The following ABLIM1 variants were observed in gnomAD, a reference collection of about 807,000 sequenced individuals.
ABLIM1 encodes the protein actin binding LIM protein 1, also known as actin-binding LIM protein 1.
ABLIM1 carries 40 observed loss-of-function variants against 107.0 expected under a neutral mutation model. That is an observed-to-expected ratio of 0.37 (90% CI 0.29 to 0.49). ABLIM1 has a LOEUF of 0.49. Among genes scored for constraint, ABLIM1 ranks in the 20% least tolerant of loss-of-function variants. The pLI is 0.97. For missense variants in ABLIM1, 857 were observed against 1,008.5 expected (o/e 0.85, Z 2.04); for synonymous variants, 357 against 357.3 (o/e 1.00, Z 0.01).
chr10:114,690,228 A>G lies in ABLIM1; in HGVS notation c.-213+77833T>C, dbSNP rs1316603818. 6.8e-6 allele frequency: 10 copies of G among 1,468,880 alleles called. No individual in the cohort carries two copies. The Middle Eastern group carries it at 5.2e-4, about 77-fold the overall frequency. The allele number at this position is 1,468,880 out of a possible 1,614,324, so 91.0% of individuals were successfully genotyped here. On this transcript the variant is annotated intron_variant, in intron 1 of 15. Transcript: ENST00000651092. ...CCCAAAGCGCCCCGTGGCCTCCACA[A>G]TATTTATGCCTTCTTTCATCTTGCC...
intron 1 of ABLIM1, among the ~76,000 whole-genome samples, chr10:114,692,614 A>C (rs917731627): frequency 6.6e-6 from 1 of 152,224 alleles, no homozygotes; most frequent in Non-Finnish European, 1.5e-5. Flanking sequence ...AAAACGGGTC[A>C]GGAGTGGTGG....
At chr10:114,794,082 T>C in the ABLIM1 span, among the ~76,000 whole-genome samples, 1 of 152,188 alleles carries the variant, frequency 6.6e-6, no homozygotes, top group Non-Finnish European at 1.5e-5. Flanking sequence ...CCATCTCCTC[T>C]TGGACTCTGC....
At chr10:114,485,009 T>G (rs1485975441) in intron 8 of ABLIM1, among the ~76,000 whole-genome samples, 3 of 152,266 alleles carry the variant, frequency 2.0e-5, no homozygotes, top group Non-Finnish European at 2.9e-5. Flanking sequence ...ACCTGGGTGC[T>G]GAGCAGATAC....
At chr10:114,647,490 C>A (rs2079061533) in intron 1 of ABLIM1, among the ~76,000 whole-genome samples, 1 of 152,214 alleles carries the variant, frequency 6.6e-6, no homozygotes, top group African/African-American at 2.4e-5. Flanking sequence ...CCCACAAGGA[C>A]AGCAAATATT....
chr10:114,582,536 A>C (rs575542103), intron 2 of ABLIM1, among the ~76,000 whole-genome samples: 1 of 152,224 alleles, frequency 6.6e-6, no homozygotes, highest in East Asian at 1.9e-4. Flanking sequence ...GAACCAAAAA[A>C]GAGCCTGAAT....
At chr10:114,566,345 T>C (rs915980218) in intron 4 of ABLIM1, among the ~76,000 whole-genome samples, 13 of 151,996 alleles carry the variant, frequency 8.6e-5, no homozygotes, top group African/African-American at 2.9e-4. Flanking sequence ...CTGAAATACA[T>C]AGGAGCCCTG....
intron 7 of ABLIM1, among the ~76,000 whole-genome samples, chr10:114,488,995 A>T (rs1164971285): frequency 6.6e-6 from 1 of 152,126 alleles, no homozygotes; most frequent in African/African-American, 2.4e-5. Context: ...GAGTTTCCAC[A>T]TTTCATGACT....
chr10:114,563,730 T>C (rs962951153), intron 4 of ABLIM1, among the ~76,000 whole-genome samples: 3 of 149,784 alleles, frequency 2.0e-5, no homozygotes, highest in Non-Finnish European at 4.4e-5. Flanking sequence ...CCTGTAGTCC[T>C]GGCTACTTGG....
intron 2 of ABLIM1, among the ~76,000 whole-genome samples, chr10:114,583,202 A>G (rs1362805652): frequency 7.3e-5 from 11 of 151,512 alleles, no homozygotes; most frequent in Admixed American, 6.6e-4. Context: ...GCCAAAAAAC[A>G]TGTCTTCTTA....
intron 1 of ABLIM1, among the ~76,000 whole-genome samples, chr10:114,702,620 G>C (rs1168846430): frequency 6.8e-6 from 1 of 147,932 alleles, no homozygotes; most frequent in African/African-American, 2.5e-5. Context: ...TCCGCCTCCC[G>C]GGTTCACGCC....
At chr10:114,632,054 G>A in intron 1 of ABLIM1, 2 of 1,224,742 alleles carry the variant, frequency 1.6e-6, no homozygotes, top group South Asian at 2.9e-5. Flanking sequence ...TGTGAGGTCC[G>A]GGGCTGTGGT....
At chr10:114,544,499 G>A (rs564073110) in intron 6 of ABLIM1, among the ~76,000 whole-genome samples, 6 of 152,304 alleles carry the variant, frequency 3.9e-5, no homozygotes, top group East Asian at 3.9e-4. Context: ...GCTCAGCCCC[G>A]GCCACAGGGT....
rs376850020 is a variant in ABLIM1, at chr10:114,468,211, C to T, written c.1281G>A (p.Pro427=). 1,441 of 1,612,500 alleles carry T rather than the reference C, an allele frequency of 8.9e-4. 24 individuals carry two copies. In the South Asian group the frequency reaches 0.015, roughly 16 times the overall value. ...CTGATGGAGTAGGAGACAAAGTCCT[C>T]GGAGACTAGAAAAATAAAAGAGAAT... ...KQERQSLGES[P]RTLSPTPSAE... is the part of the protein sequence containing the mutation. Residue 427 remains proline, a synonymous_variant, in exon 11 of 23, where the codon CCG becomes CCA. Transcript: ENST00000533213.
At chr10:114,551,864 G>T (rs903968167) in intron 4 of ABLIM1, among the ~76,000 whole-genome samples, 11 of 152,092 alleles carry the variant, frequency 7.2e-5, no homozygotes, top group Admixed American at 7.2e-4. Context: ...CTTCACAGGT[G>T]GTATCTATAC....
At chr10:114,701,191 C>A (rs2081301371) in intron 1 of ABLIM1, among the ~76,000 whole-genome samples, 1 of 152,084 alleles carries the variant, frequency 6.6e-6, no homozygotes, top group African/African-American at 2.4e-5. Flanking sequence ...TTAAAAAGTT[C>A]TCAAATAATT....
chr10:114,588,440 C>T (rs756927272), intron 2 of ABLIM1, among the ~76,000 whole-genome samples: 26 of 150,662 alleles, frequency 1.7e-4, no homozygotes, highest in African/African-American at 3.9e-4. Flanking sequence ...CTAGATGGAA[C>T]GGAACAGGTA....
intron 1 of ABLIM1, among the ~76,000 whole-genome samples, chr10:114,628,144 G>T (rs1036299408): frequency 2.6e-5 from 4 of 151,788 alleles, no homozygotes; most frequent in Non-Finnish European, 5.9e-5. Context: ...AAGACAAATT[G>T]TTCACATCTG....
Position 114,434,735 on chromosome 10 carries a change from G to A in ABLIM1, c.*1525C>T, listed in dbSNP as rs145085954. ...AACTCTCCCTCATCTAACTCACGTC[G>A]GGAATCATGATGTGGTTTCATATGC... is the stretch of plus-strand genomic sequence containing the variant. On this transcript the variant is annotated 3_prime_UTR_variant, in exon 23 of 23. Coordinates refer to ENST00000533213, the MANE Select transcript of ABLIM1 (RefSeq NM_002313.7). 2.1e-4 allele frequency: 32 copies of A among 152,190 alleles called. No individual in the cohort carries two copies. In the East Asian group the frequency reaches 4.8e-3, roughly 23 times the overall value. The allele number at this position is 152,190 out of a possible 1,614,324, so 9.4% of individuals were successfully genotyped here. A position where few individuals can be genotyped will look rare whatever the true frequency, so the allele number is the denominator to read the frequency against.
In ABLIM1 at chr10:114,436,176, C is replaced by T. The variant is rs2059349225; in HGVS notation, c.*84G>A. 1 of 1,090,806 alleles carries T rather than the reference C, an allele frequency of 9.2e-7. No homozygotes were observed. Among genetic ancestry groups the T allele is most frequent in the Non-Finnish European group, 1.3e-6 (1 of 743,406 alleles). 67.6% of individuals were successfully genotyped at this position (1,090,806 alleles called of 1,614,324 possible). On this transcript the variant is annotated 3_prime_UTR_variant, in exon 23 of 23. Coordinates refer to ENST00000533213, the MANE Select transcript of ABLIM1 (RefSeq NM_002313.7). ...GAGCGACGGTAGTTTGCAAATTCTCCAATCAAGTTTGGGCCTCAATATGAC... is the reference window on the plus strand; with the variant it reads ...GAGCGACGGTAGTTTGCAAATTCTCTAATCAAGTTTGGGCCTCAATATGAC...
Sources: allele counts gnomAD v4.1 joint callset (sites outside exome capture counted in the v4.1 genomes callset), GRCh38; gene constraint gnomAD v4.1.1; transcripts MANE v1.5; gene names NCBI Gene and HGNC (gene_info 2026-07-23, HGNC 2026-07-21).